The following CCDC85A variants were observed in gnomAD, a reference collection of about 807,000 sequenced individuals.
CCDC85A encodes coiled-coil domain containing 85A.
In CCDC85A, 38 loss-of-function variants were observed where a neutral mutation model predicts 50.2. The observed-to-expected ratio is 0.76, with a 90% CI of 0.58 to 0.99. The LOEUF (loss-of-function observed/expected upper bound fraction) is 0.99. Ranked by LOEUF, CCDC85A falls within the 50% of genes least tolerant of loss-of-function variation. The probability of loss-of-function intolerance (pLI) is 0.00; values close to 1 mark genes in which losing one functional copy is unlikely to be tolerated. For missense variants in CCDC85A, 820 were observed against 742.0 expected (o/e 1.11, Z -1.22); for synonymous variants, 366 against 301.4 (o/e 1.21, Z -2.22).
Position 56,385,949 on chromosome 2 carries a change from A to T in CCDC85A, c.*1594A>T, listed in dbSNP as rs1435241182. 1 of 152,120 alleles carries T rather than the reference A, an allele frequency of 6.6e-6. No individual in the cohort carries two copies. Among genetic ancestry groups the T allele is most frequent in the Non-Finnish European group, 1.5e-5 (1 of 67,798 alleles). The allele number at this position is 152,120 out of a possible 1,614,324, so 9.4% of individuals were successfully genotyped here. ...CACCTTCTTTCCTAGGAAAGCTTTC[A>T]TCCTTAAATTGTTGTATTCCTACCC... On this transcript the variant is annotated 3_prime_UTR_variant, in exon 6 of 6. Transcript: ENST00000407595.
chr2:56,227,295 C>G (rs1217636807), intron 2 of CCDC85A, among the ~76,000 whole-genome samples: 1 of 152,118 alleles, frequency 6.6e-6, no homozygotes, highest in Non-Finnish European at 1.5e-5. Flanking sequence ...GAATGTTAAT[C>G]AAGGTCTCAG....
intron 2 of CCDC85A, among the ~76,000 whole-genome samples, chr2:56,338,559 G>C (rs1179471174): frequency 6.6e-6 from 1 of 151,936 alleles, no homozygotes; most frequent in Non-Finnish European, 1.5e-5. Flanking sequence ...TGTGGATTTG[G>C]ATGTGACTTT....
At chr2:56,321,585 G>C (rs1235766658) in intron 2 of CCDC85A, among the ~76,000 whole-genome samples, 1 of 152,128 alleles carries the variant, frequency 6.6e-6, no homozygotes, top group East Asian at 1.9e-4. Context: ...CAACTTACAA[G>C]GGATATGAAG....
At chr2:56,287,607 G>T (rs1488275755) in intron 2 of CCDC85A, among the ~76,000 whole-genome samples, 1 of 152,100 alleles carries the variant, frequency 6.6e-6, no homozygotes, top group African/African-American at 2.4e-5. Flanking sequence ...ATGCATATTA[G>T]AGTTGTATGG....
chr2:56,298,101 A>T (rs571905199), intron 2 of CCDC85A, among the ~76,000 whole-genome samples: 1 of 152,330 alleles, frequency 6.6e-6, no homozygotes, highest in Non-Finnish European at 1.5e-5. Context: ...GGTTGATGTT[A>T]TGTGGAAAAA....
intron 2 of CCDC85A, among the ~76,000 whole-genome samples, chr2:56,332,920 T>G (rs1673886119): frequency 6.6e-6 from 1 of 152,174 alleles, no homozygotes; most frequent in Non-Finnish European, 1.5e-5. Context: ...TGGAAAAGTA[T>G]AGGTCTGTAT....
intron 2 of CCDC85A, among the ~76,000 whole-genome samples, chr2:56,275,081 C>A (rs1390787898): frequency 1.3e-5 from 2 of 152,166 alleles, no homozygotes; most frequent in South Asian, 4.2e-4. Context: ...ACCACCATAT[C>A]GGGAGCTTGG....
chr2:56,234,391 C>G (rs1458426403), intron 2 of CCDC85A, among the ~76,000 whole-genome samples: 1 of 152,176 alleles, frequency 6.6e-6, no homozygotes, highest in Admixed American at 6.6e-5. Flanking sequence ...AGCAGAAACT[C>G]AGTGAATAGC....
intron 2 of CCDC85A, among the ~76,000 whole-genome samples, chr2:56,242,804 T>C (rs1006358950): frequency 2.0e-5 from 3 of 152,172 alleles, no homozygotes; most frequent in African/African-American, 4.8e-5. Flanking sequence ...TTTGGGTACC[T>C]CTGCTTGTGG....
At position 56,375,853 on chromosome 2, in the gene CCDC85A, A is replaced by G. The variant is rs1264697952; in HGVS notation, c.1490A>G (p.Asn497Ser). 1 of 1,613,648 alleles carries G rather than the reference A, an allele frequency of 6.2e-7. No individual in the cohort carries two copies. The highest frequency in any genetic ancestry group is 8.5e-7 in the Non-Finnish European group (1 of 1,179,780). The change falls in exon 5 of 6, where the codon AAC becomes AGC. Residue 497 changes from asparagine (N) to serine (S), a missense_variant. By Grantham distance (46) the Asn-to-Ser change is conservative. Transcript: ENST00000407595. ...TTGTCATCAGGGGCTGATGGGAGTA[A>G]CAGTTCACCCAACTCTGCAGCTAGC... ...FRLSSGADGSNSSPNSAASFS... is the reference protein window; with the variant it reads ...FRLSSGADGSSSSPNSAASFS...
At chr2:56,246,701 T>C (rs533880702) in intron 2 of CCDC85A, among the ~76,000 whole-genome samples, 1 of 152,320 alleles carries the variant, frequency 6.6e-6, no homozygotes, top group African/African-American at 2.4e-5. Context: ...TATTTCTGAC[T>C]CAATTATATT....
At chr2:56,378,102 T>C (rs1363054391) in intron 5 of CCDC85A, among the ~76,000 whole-genome samples, 1 of 152,118 alleles carries the variant, frequency 6.6e-6, no homozygotes, top group Non-Finnish European at 1.5e-5. Context: ...TTTTGGGAAA[T>C]ACATCTTAAA....
chr2:56,292,483 A>T (rs988425375), intron 2 of CCDC85A, among the ~76,000 whole-genome samples: 9 of 152,116 alleles, frequency 5.9e-5, no homozygotes, highest in Non-Finnish European at 1.0e-4. Context: ...GGACCTATAG[A>T]CCCCTCTGCC....
intron 2 of CCDC85A, among the ~76,000 whole-genome samples, chr2:56,219,891 A>C (rs143792445): frequency 3.4e-3 from 517 of 152,146 alleles, no homozygotes; most frequent in South Asian, 0.013. Flanking sequence ...ACACTAAAAT[A>C]TAGTAGAAAC....
At chr2:56,325,833 G>T (rs567830038) in intron 2 of CCDC85A, among the ~76,000 whole-genome samples, 1 of 152,212 alleles carries the variant, frequency 6.6e-6, no homozygotes, top group Admixed American at 6.6e-5. Flanking sequence ...CAAGCACTTT[G>T]CTTTGGATGG....
chr2:56,236,850 C>G (rs968785206), intron 2 of CCDC85A, among the ~76,000 whole-genome samples: 1 of 152,072 alleles, frequency 6.6e-6, no homozygotes, highest in Non-Finnish European at 1.5e-5. Context: ...TGTTCTTATG[C>G]CTGAATACCC....
intron 2 of CCDC85A, among the ~76,000 whole-genome samples, chr2:56,276,871 G>A (rs1670970926): frequency 6.6e-6 from 1 of 152,180 alleles, no homozygotes; most frequent in Admixed American, 6.5e-5. Flanking sequence ...GCAAACCAGT[G>A]AGTGATGGCT....
intron 5 of CCDC85A, among the ~76,000 whole-genome samples, chr2:56,377,246 C>T (rs1248166533): frequency 2.0e-5 from 3 of 152,070 alleles, no homozygotes; most frequent in African/African-American, 7.2e-5. Context: ...ACTGCTTTGC[C>T]TCTAGTGGGT....
chr2:56,263,614 G>A (rs566935806), intron 2 of CCDC85A, among the ~76,000 whole-genome samples: 135 of 152,302 alleles, frequency 8.9e-4, no homozygotes, highest in African/African-American at 3.2e-3. Flanking sequence ...GTTCTTGAGA[G>A]TCTGTGTCTG....
Sources: allele counts gnomAD v4.1 joint callset (sites outside exome capture counted in the v4.1 genomes callset), GRCh38; gene constraint gnomAD v4.1.1; transcripts MANE v1.5; gene names NCBI Gene and HGNC (gene_info 2026-07-23, HGNC 2026-07-21).